Variants in SYT7 observed in about 807,000 individuals in gnomAD.
SYT7 encodes the protein synaptotagmin-7.
SYT7 carries 29 observed loss-of-function variants against 75.1 expected under a neutral mutation model. The ratio of observed to expected loss-of-function variants is 0.39; its 90% CI spans 0.29 to 0.53. The LOEUF (loss-of-function observed/expected upper bound fraction) is 0.53. SYT7 is among the 20% of genes least tolerant of loss of function. The pLI is 0.77. For synonymous variants in SYT7, 376 were observed against 401.7 expected, an observed-to-expected ratio of 0.94 and a Z score of 0.76; for missense variants, 693 against 953.2, an observed-to-expected ratio of 0.73 and a Z score of 3.59.
At chr11:61,545,863 G>A (rs1220254737) in intron 5 of SYT7, among the ~76,000 whole-genome samples, 168 bp downstream of exon 5, 2 of 152,206 alleles carry the variant, frequency 1.3e-5, no homozygotes, top group Non-Finnish European at 2.9e-5. Flanking sequence ...AGTTCGTCGT[G>A]CCAGATGGCA....
intron 3 of SYT7, among the ~76,000 whole-genome samples, chr11:61,547,546 G>C (rs1362210053): frequency 6.6e-6 from 1 of 152,064 alleles, no homozygotes; most frequent in Non-Finnish European, 1.5e-5. Flanking sequence ...ACACACGCAC[G>C]CACTCGAGGG....
In SYT7 at chr11:61,549,975, C is replaced by A. The variant is rs536233085; in HGVS notation, c.215+1409G>T. On this transcript the variant is annotated intron_variant, in intron 3 of 12. Transcript: ENST00000539008. Reference sequence around the variant, plus strand: ...GAGGCAGGCCCCCAGCCCTGGCCCGCGGCTGTAAACGGCCTGTCCTGGAGG... The same window carrying A: ...GAGGCAGGCCCCCAGCCCTGGCCCGAGGCTGTAAACGGCCTGTCCTGGAGG... 1.2e-4 allele frequency among the ~76,000 whole-genome samples: 19 copies of A among 152,332 alleles called. No individual in the cohort carries two copies. The South Asian group carries it at 1.4e-3, about 12-fold the overall frequency.
chr11:61,558,085 A>G (rs1392348972), intron 1 of SYT7, among the ~76,000 whole-genome samples: 1 of 152,192 alleles, frequency 6.6e-6, no homozygotes, highest in African/African-American at 2.4e-5. Context: ...ATGAGCCCAC[A>G]CTTTCCTTTG....
chr11:61,514,929 C>T lies in SYT7; in HGVS notation c.*3698G>A, dbSNP rs762708686. On this transcript the variant is annotated 3_prime_UTR_variant, in exon 13 of 13. Coordinates refer to ENST00000539008, the MANE Select transcript of SYT7 (RefSeq NM_001365809.2). ...ATGGATGGTGGTGGGAAAGCTGGAGCGTCCCCCTTTGGTTTGTCTGAGCTG... is the reference window on the plus strand; with the variant it reads ...ATGGATGGTGGTGGGAAAGCTGGAGTGTCCCCCTTTGGTTTGTCTGAGCTG... 3.3e-5 allele frequency among the ~76,000 whole-genome samples: 5 copies of T among 152,146 alleles called. No individual in the cohort carries two copies. The highest frequency in any genetic ancestry group is 7.4e-5 in the Non-Finnish European group (5 of 68,020).
intron 12 of SYT7, among the ~76,000 whole-genome samples, chr11:61,522,187 CTTTTTT>C (rs60616538): frequency 7.9e-5 from 9 of 114,276 alleles, no homozygotes; most frequent in African/African-American, 2.4e-4. Context: ...GAAGAGATCA[CTTTTTT>C]TTTTTTTTTT....
chr11:61,567,422 T>A (rs2063800878), intron 1 of SYT7, among the ~76,000 whole-genome samples: 1 of 151,574 alleles, frequency 6.6e-6, no homozygotes, highest in African/African-American at 2.4e-5. Flanking sequence ...CAGAACTCAG[T>A]CCTGGGGCTG....
intron 1 of SYT7, among the ~76,000 whole-genome samples, chr11:61,569,631 A>C (rs1337070971): frequency 6.6e-6 from 1 of 152,054 alleles, no homozygotes; most frequent in African/African-American, 2.4e-5. Context: ...AGGAAGTGAG[A>C]AGGTGCCCCA....
rs909168514 is a variant in SYT7 at position 61,553,614 on chromosome 11, C to T, written c.136-2151G>A. Among the ~76,000 whole-genome samples the T allele has an allele frequency of 2.0e-5, 3 of 152,208 alleles. No homozygotes were observed. The highest frequency in any genetic ancestry group is 1.3e-4 in the Admixed American group (2 of 15,280). On this transcript the variant is annotated intron_variant, in intron 2 of 12. Transcript: ENST00000539008. The surrounding 1 kb of genome is among the most constrained non-coding windows in gnomAD (Gnocchi z 5.2). Reference sequence around the variant, plus strand: ...CCGAGGTGCTATGGGGGACAGGAACCAGGCCAGGACTTGATGTGGAGGGCA... The same window carrying T: ...CCGAGGTGCTATGGGGGACAGGAACTAGGCCAGGACTTGATGTGGAGGGCA...
intron 3 of SYT7, among the ~76,000 whole-genome samples, chr11:61,547,649 A>T (rs1590893687): frequency 7.9e-6 from 1 of 126,660 alleles, no homozygotes; most frequent in African/African-American, 3.1e-5. Context: ...TGATGAGAGG[A>T]GGGGGACAGA....
At chr11:61,544,907 A>G (rs1417475822) in intron 5 of SYT7, among the ~76,000 whole-genome samples, 6 of 152,200 alleles carry the variant, frequency 3.9e-5, no homozygotes, top group East Asian at 3.9e-4. Context: ...GGTGCTCCCA[A>G]TGGCAGGAAC....
At chr11:61,587,865 C>A in the SYT7 span, among the ~76,000 whole-genome samples, 5 of 152,144 alleles carry the variant, frequency 3.3e-5, no homozygotes, top group South Asian at 1.0e-3. Context: ...CAAATTACCG[C>A]GGACCTGAGA....
chr11:61,558,112 ATAAAG>A (rs2063542674), intron 1 of SYT7, among the ~76,000 whole-genome samples: 1 of 152,250 alleles, frequency 6.6e-6, no homozygotes, highest in South Asian at 2.1e-4. Context: ...TCACTTTGAA[ATAAAG>A]TAAACGCCAT....
At position 61,546,558 on chromosome 11, in the gene SYT7, TC is replaced by T; in HGVS notation, c.348-304del. 8.1e-6 allele frequency: 1 copy of T among 122,810 alleles called. No homozygotes were observed. Among genetic ancestry groups the T allele is most frequent in the Non-Finnish European group, 1.6e-5 (1 of 61,228 alleles). 7.6% of individuals were successfully genotyped at this position (122,810 alleles called of 1,614,324 possible). A position where few individuals can be genotyped will look rare whatever the true frequency, so the allele number is the denominator to read the frequency against. ...ACCACGACAACGGAGGGGGGGCCCC[TC>T]CCCACCGCCTGGGGCAGGGGCGGCG... On this transcript the variant is annotated intron_variant, in intron 4 of 12. Transcript: ENST00000539008. This position sits in a 1 kb window ranked among gnomAD's most constrained non-coding sequence, Gnocchi z 7.6.
At position 61,580,876 on chromosome 11, in the gene SYT7, C is replaced by A; in HGVS notation, c.-56G>T. The A allele has an allele frequency of 8.6e-7, 1 of 1,161,378 alleles. No homozygotes were observed. Among genetic ancestry groups the A allele is most frequent in the Non-Finnish European group, 1.1e-6 (1 of 943,900 alleles). 71.9% of individuals were successfully genotyped at this position (1,161,378 alleles called of 1,614,324 possible). A position where few individuals can be genotyped will look rare whatever the true frequency, so the allele number is the denominator to read the frequency against. ...CCTCAGAGCCGCCCGCGGCCGCGCG[C>A]TGCTCCGCCGCCGCCGCTGGGCATG... On this transcript the variant is annotated 5_prime_UTR_variant, in exon 1 of 13. Coordinates refer to ENST00000539008, the MANE Select transcript of SYT7 (RefSeq NM_001365809.2). This position sits in a 1 kb window ranked among gnomAD's most constrained non-coding sequence, Gnocchi z 6.1.
At chr11:61,548,897 G>A (rs942697772) in intron 3 of SYT7, among the ~76,000 whole-genome samples, 1 of 152,144 alleles carries the variant, frequency 6.6e-6, no homozygotes, top group African/African-American at 2.4e-5. Flanking sequence ...TGTCTCACAG[G>A]GGACTCTGTG....
chr11:61,534,606 T>C (rs1325885847), intron 7 of SYT7, among the ~76,000 whole-genome samples: 1 of 151,824 alleles, frequency 6.6e-6, no homozygotes, highest in East Asian at 1.9e-4. Flanking sequence ...CGAGAGGAGA[T>C]GCACTGGGGA....
In SYT7 at chr11:61,514,881, T is replaced by G. The variant is rs1231004431; in HGVS notation, c.*3746A>C. ...ACCTCAGGGACCAGGAAGGAGGCGC[T>G]GGCCTGAAACTACAGTGGCCCCATG... On this transcript the variant is annotated 3_prime_UTR_variant, in exon 13 of 13. Coordinates refer to ENST00000539008, the MANE Select transcript of SYT7 (RefSeq NM_001365809.2). Among the ~76,000 whole-genome samples, 1 of 152,216 alleles carries G rather than the reference T, an allele frequency of 6.6e-6. No homozygotes were observed. The highest frequency in any genetic ancestry group is 1.5e-5 in the Non-Finnish European group (1 of 68,030).
chr11:61,530,750 C>T, intron 8 of SYT7: 1 of 965,142 alleles, frequency 1.0e-6, no homozygotes, highest in Non-Finnish European at 1.2e-6. Flanking sequence ...AAGGCCTGGG[C>T]TGGCCAGGTA....
At chr11:61,552,124 G>A (rs2063369646) in intron 2 of SYT7, among the ~76,000 whole-genome samples, 2 of 152,104 alleles carry the variant, frequency 1.3e-5, no homozygotes, top group Non-Finnish European at 2.9e-5. Context: ...ACACTAGCAG[G>A]GGGAGGGAGG....
Sources: allele counts gnomAD v4.1 joint callset (sites outside exome capture counted in the v4.1 genomes callset), GRCh38; gene constraint gnomAD v4.1.1; non-coding constraint Gnocchi (gnomAD v3.1); transcripts MANE v1.5; gene names NCBI Gene and HGNC (gene_info 2026-07-23, HGNC 2026-07-21).